The following PRKG2 variants were observed in gnomAD, a reference collection of about 807,000 sequenced individuals.
The protein encoded by PRKG2 is cGMP-dependent protein kinase 2.
Under a neutral mutation model 97.2 loss-of-function variants are expected in PRKG2, and 33 were observed. That is an observed-to-expected ratio of 0.34 (90% confidence interval 0.26 to 0.45). The LOEUF (loss-of-function observed/expected upper bound fraction) is 0.45. PRKG2 is among the 20% of genes least tolerant of loss of function. The pLI is 1.00. For missense variants in PRKG2, 638 were observed against 900.0 expected (o/e 0.71, Z 3.73); for synonymous variants, 330 against 321.8 (o/e 1.03, Z -0.27).
intron 7 of PRKG2, 176 bp downstream of exon 7, chr4:81,153,468 T>C (rs1748620859): frequency 1.9e-6 from 1 of 538,170 alleles, no homozygotes. Flanking sequence ...TAGGGGGTCC[T>C]GTGGCCTCCA....
rs114503595 is a variant in PRKG2, at chr4:81,110,673, T to A, written c.1777-62A>T. 2,844 of 1,576,796 alleles carry A rather than the reference T, an allele frequency of 1.8e-3. 35 individuals carry two copies. The African/African-American group carries it at 0.031, about 17-fold the overall frequency. The stretch of plus-strand genomic sequence containing the variant: ...TAAAACTCATGCTCCTCTTTAAGCC[T>A]CCCTCTTACCTCTGAAATCTGCTTT... On this transcript the variant is annotated intron_variant, in intron 14 of 18. Transcript: ENST00000264399.
chr4:81,165,624 G>T (rs1749916736), intron 6 of PRKG2, among the ~76,000 whole-genome samples: 1 of 152,104 alleles, frequency 6.6e-6, no homozygotes, highest in Admixed American at 6.6e-5. Flanking sequence ...ACATTTGTTT[G>T]CCAGGTATGA....
At chr4:81,099,302 A>C (rs1300602836) in intron 17 of PRKG2, among the ~76,000 whole-genome samples, 2 of 152,184 alleles carry the variant, frequency 1.3e-5, no homozygotes, top group Non-Finnish European at 2.9e-5. Flanking sequence ...ACATTGATGC[A>C]AAAATCCTCA....
At position 81,158,560 on chromosome 4, in the gene PRKG2, C is replaced by A. The variant is rs553962638; in HGVS notation, c.913-4839G>T. 7.9e-5 allele frequency among the ~76,000 whole-genome samples: 12 copies of A among 152,246 alleles called. No individual in the cohort carries two copies. In the East Asian group the frequency reaches 2.3e-3, roughly 29 times the overall value. On this transcript the variant is annotated intron_variant, in intron 6 of 18. Coordinates refer to ENST00000264399, the MANE Select transcript of PRKG2 (RefSeq NM_006259.3). ...CAGATTCAATGCCATCCCCATCAAG[C>A]TACCAATGACTTTCTTCACAGATTT...
At chr4:81,189,094 A>AAAAAAAAACC (rs1553930140) in intron 2 of PRKG2, among the ~76,000 whole-genome samples, 1 of 110,000 alleles carries the variant, frequency 9.1e-6, no homozygotes, top group Non-Finnish European at 1.6e-5. Context: ...AAAAAAAAAG[A>AAAAAAAAACC]AGCTAGCAAT....
At chr4:81,157,861 C>G (rs1289918087) in intron 6 of PRKG2, among the ~76,000 whole-genome samples, 1 of 148,120 alleles carries the variant, frequency 6.8e-6, no homozygotes, top group Non-Finnish European at 1.5e-5. Flanking sequence ...CAGAAAAGGC[C>G]TTTGACAAAA....
chr4:81,115,956 G>T (rs1240115771), intron 14 of PRKG2, among the ~76,000 whole-genome samples: 1 of 152,014 alleles, frequency 6.6e-6, no homozygotes, highest in Non-Finnish European at 1.5e-5. Context: ...TATGTTTCTG[G>T]TATTTAAAAA....
At chr4:81,186,354 A>G (rs1008514400) in intron 2 of PRKG2, among the ~76,000 whole-genome samples, 1 of 152,186 alleles carries the variant, frequency 6.6e-6, no homozygotes, top group Non-Finnish European at 1.5e-5. Context: ...AAACTGAACA[A>G]CCTGCTCCTG....
chr4:81,101,398 G>A (rs1301639041), intron 17 of PRKG2, among the ~76,000 whole-genome samples: 5 of 152,104 alleles, frequency 3.3e-5, no homozygotes, highest in African/African-American at 1.2e-4. Flanking sequence ...AAAAAATGAT[G>A]AGTTCATGTC....
At chr4:81,199,332 A>T (rs1264896555) in intron 2 of PRKG2, among the ~76,000 whole-genome samples, 1 of 152,162 alleles carries the variant, frequency 6.6e-6, no homozygotes, top group Non-Finnish European at 1.5e-5. Context: ...TAATCATTGC[A>T]TTTAAAAAAA....
chr4:81,130,300 C>G (rs1465847146), intron 14 of PRKG2, among the ~76,000 whole-genome samples: 1 of 152,160 alleles, frequency 6.6e-6, no homozygotes, highest in African/African-American at 2.4e-5. Flanking sequence ...CCCCGTATGC[C>G]TTTGTATTAC....
intron 2 of PRKG2, among the ~76,000 whole-genome samples, chr4:81,199,192 A>T (rs1290541886): frequency 2.0e-5 from 3 of 152,184 alleles, no homozygotes; most frequent in African/African-American, 7.2e-5. Flanking sequence ...GTAAGTCAGT[A>T]TTTCATGGAA....
intron 2 of PRKG2, among the ~76,000 whole-genome samples, chr4:81,177,230 T>C (rs541391698): frequency 6.6e-6 from 1 of 152,326 alleles, no homozygotes; most frequent in South Asian, 2.1e-4. Context: ...GCTTTTAAAA[T>C]GTCATTAAGC....
chr4:81,114,525 A>T (rs1483534690), intron 14 of PRKG2, among the ~76,000 whole-genome samples: 1 of 152,228 alleles, frequency 6.6e-6, no homozygotes, highest in African/African-American at 2.4e-5. Flanking sequence ...TGGTGAGAGA[A>T]ACTTAACTGT....
chr4:81,148,985 T>C (rs1176829962), intron 8 of PRKG2, 33 bp from the exon 9 acceptor site: 2 of 1,592,906 alleles, frequency 1.3e-6, no homozygotes, highest in Admixed American at 1.7e-5. Context: ...CAATTTTCAC[T>C]ATAATTAGAA....
chr4:81,091,602 G>A (rs1057425360), intron 18 of PRKG2, among the ~76,000 whole-genome samples: 2 of 151,988 alleles, frequency 1.3e-5, no homozygotes, highest in African/African-American at 4.8e-5. Context: ...ATTTTAAAAT[G>A]TCAATATTTA....
Position 81,088,624 on chromosome 4 carries a change from T to A in PRKG2, c.*1084A>T, listed in dbSNP as rs551601779. 1.3e-5 allele frequency: 2 copies of A among 152,310 alleles called. No homozygotes were observed. The highest frequency in any genetic ancestry group is 2.9e-5 in the Non-Finnish European group (2 of 68,022). 9.4% of individuals were successfully genotyped at this position (152,310 alleles called of 1,614,324 possible). A position where few individuals can be genotyped will look rare whatever the true frequency, so the allele number is the denominator to read the frequency against. ...AAATCCTATCACTTTTCTGGTGGCT[T>A]GCCTGTCTTAACAATCTAAATTTAT... On this transcript the variant is annotated 3_prime_UTR_variant, in exon 19 of 19. Coordinates refer to ENST00000264399, the MANE Select transcript of PRKG2 (RefSeq NM_006259.3).
chr4:81,112,598 T>C (rs1342020939), intron 14 of PRKG2, among the ~76,000 whole-genome samples: 1 of 152,220 alleles, frequency 6.6e-6, no homozygotes, highest in East Asian at 1.9e-4. Flanking sequence ...GGTTTAGCTT[T>C]TGTAATATTT....
intron 6 of PRKG2, among the ~76,000 whole-genome samples, chr4:81,166,647 A>C (rs966373616): frequency 1.3e-5 from 2 of 152,146 alleles, no homozygotes; most frequent in African/African-American, 4.8e-5. Flanking sequence ...CCTAGATGTT[A>C]AAATAGATAA....
Sources: gnomAD v4.1 joint callset for allele counts (sites outside exome capture counted in the v4.1 genomes callset) on GRCh38, gnomAD v4.1.1 for gene constraint, MANE v1.5 for transcripts, NCBI Gene and HGNC (gene_info 2026-07-23, HGNC 2026-07-21) for gene names.